IMPG1: variants seen among roughly 807,000 people sequenced by gnomAD.
The protein encoded by IMPG1 is interphotoreceptor matrix proteoglycan of 150 kDa.
Under a neutral mutation model 92.0 loss-of-function variants are expected in IMPG1, and 85 were observed. The ratio of observed to expected loss-of-function variants is 0.92; its 90% CI spans 0.78 to 1.11. IMPG1 has a LOEUF of 1.11. Among genes scored for constraint, IMPG1 ranks in the 50% least tolerant of loss-of-function variants. The pLI, the probability that IMPG1 is intolerant of heterozygous loss-of-function variation, is 0.00. For missense variants in IMPG1, 1,022 were observed against 956.0 expected, an observed-to-expected ratio of 1.07 and a Z score of -0.91; for synonymous variants, 367 against 334.1, an observed-to-expected ratio of 1.10 and a Z score of -1.08.
chr6:76,047,073 G>A (rs554038604), intron 1 of IMPG1, among the ~76,000 whole-genome samples: 4 of 152,330 alleles, frequency 2.6e-5, no homozygotes, highest in South Asian at 4.1e-4. Context: ...GGGTTAGATA[G>A]AGTGTTTTTG....
At chr6:76,049,762 G>A (rs1246602072) in intron 1 of IMPG1, among the ~76,000 whole-genome samples, 1 of 152,108 alleles carries the variant, frequency 6.6e-6, no homozygotes, top group Non-Finnish European at 1.5e-5. Flanking sequence ...GAGCTGGGAG[G>A]GTCTTATGAA....
intron 2 of IMPG1, among the ~76,000 whole-genome samples, chr6:76,038,300 T>C (rs1427672213): frequency 2.6e-5 from 4 of 152,250 alleles, no homozygotes; most frequent in Admixed American, 2.6e-4. Flanking sequence ...ATCTTCTTTC[T>C]AGAGCATAAT....
rs1179630568 is a variant in IMPG1, at chr6:75,930,964, T to G, written c.2232A>C (p.Gly744=). Residue 744 remains glycine (G), a synonymous_variant, in exon 15 of 17, where the codon GGA becomes GGC. Coordinates refer to ENST00000369950, the MANE Select transcript of IMPG1 (RefSeq NM_001563.4). ...TKECEVLQGK[G]APCRLPDHSE... ...CATGCTTGACCCACCTGCATGGAGC[T>G]CCCTTTCCCTGGAGGACCTCGCATT... The G allele has an allele frequency of 2.5e-6, 4 of 1,614,040 alleles. No homozygotes were observed. In the African/African-American group the frequency reaches 5.3e-5, roughly 22 times the overall value.
intron 12 of IMPG1, among the ~76,000 whole-genome samples, chr6:75,990,369 A>C (rs998025157): frequency 1.3e-5 from 2 of 152,172 alleles, no homozygotes; most frequent in Admixed American, 6.5e-5. Flanking sequence ...ATAGAAGAAG[A>C]AGCTGAAAAT....
intron 13 of IMPG1, among the ~76,000 whole-genome samples, chr6:75,949,779 C>G (rs913388329): frequency 8.5e-5 from 13 of 152,064 alleles, no homozygotes; most frequent in Non-Finnish European, 1.2e-4. Flanking sequence ...TACTTTAAAG[C>G]AAATGTTCAC....
At chr6:76,011,465 T>C (rs1783183060) in intron 7 of IMPG1, among the ~76,000 whole-genome samples, 1 of 152,194 alleles carries the variant, frequency 6.6e-6, no homozygotes, top group East Asian at 1.9e-4. Context: ...TGTTTTGCTA[T>C]TTATTTAAAA....
intron 15 of IMPG1, among the ~76,000 whole-genome samples, chr6:75,924,595 A>AATATAATTATATAT (rs1781500070): frequency 9.5e-5 from 2 of 21,148 alleles, no homozygotes; most frequent in Non-Finnish European, 2.4e-4. Flanking sequence ...ATTATATATT[A>AATATAATTATATAT]TATATAATTA....
At position 76,034,674 on chromosome 6, in the gene IMPG1, C is replaced by G; in HGVS notation, c.415G>C (p.Asp139His). ...ICQQETFCLF[D>H]IGKNFSNSQE... ...GAATTGCTGAAGTTTTTTCCAATGT[C>G]AAAGAGGCAGAAGGTCTCCTGCTGG... Residue 139 changes from aspartate to histidine, a missense_variant, in exon 3 of 17, where the codon GAC becomes CAC. Asp to His is a moderately conservative substitution (Grantham distance 81). Around this residue, in one of 3 missense-constraint regions of IMPG1, gnomAD observed 681 missense variants for 583.6 expected, o/e 1.17. Coordinates refer to ENST00000369950, the MANE Select transcript of IMPG1 (RefSeq NM_001563.4). The G allele has an allele frequency of 1.9e-6, 3 of 1,614,154 alleles. No homozygotes were observed. Among genetic ancestry groups the G allele is most frequent in the Non-Finnish European group, 2.5e-6 (3 of 1,180,008 alleles).
chr6:76,057,112 A>G (rs1349613301), intron 1 of IMPG1, among the ~76,000 whole-genome samples: 6 of 152,144 alleles, frequency 3.9e-5, no homozygotes, highest in African/African-American at 1.4e-4. Flanking sequence ...ACATGGATAC[A>G]TGTCGGGGAA....
At position 75,974,428 on chromosome 6, in the gene IMPG1, G is replaced by GCTTCCTTCCTTC. The variant is rs1224488663; in HGVS notation, c.1292-23346_1292-23335dup. On this transcript the variant is annotated intron_variant, in intron 12 of 16. Coordinates refer to ENST00000369950, the MANE Select transcript of IMPG1 (RefSeq NM_001563.4). ...TCCTTCCTTCCTTCCTTCCTTCCTTGCTTCCTTCCTTCCTTCCTTCCTTCT... is the reference window on the plus strand; with the variant it reads ...TCCTTCCTTCCTTCCTTCCTTCCTTGCTTCCTTCCTTCCTTCCTTCCTTCCTTCCTTCCTTCT... Among the ~76,000 whole-genome samples the GCTTCCTTCCTTC allele has an allele frequency of 1.9e-3, 180 of 96,292 alleles. 10 individuals carry two copies. The highest frequency in any genetic ancestry group is 9.9e-3 in the Admixed American group (82 of 8,300). 63.2% of individuals were successfully genotyped at this position (96,292 alleles called of 152,430 possible).
intron 1 of IMPG1, among the ~76,000 whole-genome samples, chr6:76,070,971 A>C (rs1055224251): frequency 1.3e-5 from 2 of 151,468 alleles, no homozygotes; most frequent in Non-Finnish European, 3.0e-5. Context: ...ATCTATATTT[A>C]AAAAAAACAA....
chr6:76,017,195 CAAAA>C (rs61629486), intron 7 of IMPG1, among the ~76,000 whole-genome samples: 1 of 117,882 alleles, frequency 8.5e-6, no homozygotes. Context: ...TGGTGAGGCT[CAAAA>C]AAAAAAAAAA....
rs1340223055 is a variant in IMPG1 at position 76,018,776 on chromosome 6, T to G, written c.749A>C (p.Glu250Ala). The change falls in exon 7 of 17, where the codon GAG becomes GCG. Residue 250 changes from glutamate (E) to alanine (A), a missense_variant. Glu to Ala is a moderately radical substitution (Grantham distance 107). Around this residue, in one of 3 missense-constraint regions of IMPG1, gnomAD observed 681 missense variants for 583.6 expected, o/e 1.17. Transcript: ENST00000369950. ...ATATGGGGACTGGGAGTCAGCGAGC[T>G]CTGCCTTGAACTTCTGGTTTACCAG... ...VSLVNQKFKA[E>A]LADSQSPYYQ... 1 of 1,613,322 alleles carries G rather than the reference T, an allele frequency of 6.2e-7. No individual in the cohort carries two copies. Among genetic ancestry groups the G allele is most frequent in the Non-Finnish European group, 8.5e-7 (1 of 1,179,748 alleles).
chr6:75,958,277 T>C (rs985072230), intron 12 of IMPG1, among the ~76,000 whole-genome samples: 2 of 152,244 alleles, frequency 1.3e-5, no homozygotes, highest in Non-Finnish European at 2.9e-5. Flanking sequence ...TGGGCTTCCC[T>C]TTGTGCATAA....
At chr6:75,990,588 T>TACACACACACACACACAC (rs112985372) in intron 12 of IMPG1, among the ~76,000 whole-genome samples, 6 of 145,008 alleles carry the variant, frequency 4.1e-5, no homozygotes, top group East Asian at 2.1e-4. Context: ...ACCCCACCTC[T>TACACACACACACACACAC]ACACACACAC....
rs905966705 is a variant in IMPG1 at position 76,041,769 on chromosome 6, A to AAGGG, written c.301+123_301+124insCCCT. The stretch of plus-strand genomic sequence containing the variant: ...TTACTATCAGATTATCACTAGGTTG[A>AAGGG]TTTTTATAATTCTTGTGGCTAAATG... On this transcript the variant is annotated intron_variant, in intron 2 of 16. Transcript: ENST00000369950. The AAGGG allele has an allele frequency of 1.8e-5, 12 of 655,680 alleles. No individual in the cohort carries two copies. In the African/African-American group the frequency reaches 2.2e-4, roughly 12 times the overall value. The allele number at this position is 655,680 out of a possible 1,614,324, so 40.6% of individuals were successfully genotyped here. A position where few individuals can be genotyped will look rare whatever the true frequency, so the allele number is the denominator to read the frequency against.
intron 12 of IMPG1, among the ~76,000 whole-genome samples, chr6:75,969,810 C>T (rs923685699): frequency 5.9e-5 from 9 of 152,140 alleles, no homozygotes; most frequent in Admixed American, 3.3e-4. Flanking sequence ...AAATTTCAAA[C>T]GTATCTATAT....
intron 12 of IMPG1, among the ~76,000 whole-genome samples, chr6:75,974,597 G>A (rs1051290760): frequency 6.6e-6 from 1 of 151,250 alleles, no homozygotes; most frequent in Non-Finnish European, 1.5e-5. Flanking sequence ...AGCCTCCCGA[G>A]TAGCTGGGAT....
chr6:75,972,665 T>G (rs1235130479), intron 12 of IMPG1, among the ~76,000 whole-genome samples: 2 of 152,236 alleles, frequency 1.3e-5, no homozygotes, highest in African/African-American at 4.8e-5. Flanking sequence ...CTTCCTTGTC[T>G]GATACATTTT....
Sources: allele counts gnomAD v4.1 joint callset (sites outside exome capture counted in the v4.1 genomes callset), GRCh38; gene constraint gnomAD v4.1.1; regional missense constraint gnomAD v4.1.1; transcripts MANE v1.5; gene names NCBI Gene and HGNC (gene_info 2026-07-23, HGNC 2026-07-21).